Variants in GMEB2 observed in about 807,000 individuals in gnomAD.
The protein encoded by GMEB2 is glucocorticoid modulatory element-binding protein 2.
Under a neutral mutation model 45.7 loss-of-function variants are expected in GMEB2, and 7 were observed. That is an observed-to-expected ratio of 0.15 (90% CI 0.09 to 0.29). The LOEUF (loss-of-function observed/expected upper bound fraction) is 0.29, where lower values mean the gene tolerates loss of function less well. GMEB2 is among the 10% of genes least tolerant of loss of function. The probability of loss-of-function intolerance (pLI) is 1.00; values close to 1 mark genes in which losing one functional copy is unlikely to be tolerated. For synonymous variants in GMEB2, 322 were observed against 323.6 expected, an observed-to-expected ratio of 1.00 and a Z score of 0.05; for missense variants, 582 against 739.2, an observed-to-expected ratio of 0.79 and a Z score of 2.47.
At chr20:63,601,968 TGCCTGTGGCTTCTGTGGG>T (rs1358311450) in intron 4 of GMEB2, among the ~76,000 whole-genome samples, 3 of 142,130 alleles carry the variant, frequency 2.1e-5, no homozygotes, top group African/African-American at 5.3e-5. Flanking sequence ...GCTTCTGTGC[TGCCTGTGGCTTCTGTGGG>T]GCCTGTGGCT....
chr20:63,623,609 T>C (rs896568671), intron 1 of GMEB2, among the ~76,000 whole-genome samples: 8 of 147,900 alleles, frequency 5.4e-5, no homozygotes, highest in African/African-American at 2.0e-4. Flanking sequence ...ACCAGCCTGA[T>C]CAATACGGTG....
intron 4 of GMEB2, among the ~76,000 whole-genome samples, chr20:63,601,815 C>T (rs1331149262): frequency 6.6e-6 from 1 of 151,736 alleles, no homozygotes; most frequent in Non-Finnish European, 1.5e-5. Flanking sequence ...GGGCCTGTGG[C>T]TTCTGTGCTG....
At chr20:63,615,682 A>G (rs539504628) in intron 2 of GMEB2, among the ~76,000 whole-genome samples, 5 of 152,312 alleles carry the variant, frequency 3.3e-5, no homozygotes, top group East Asian at 3.9e-4. Context: ...AAATTCATCA[A>G]CATGGAAAGA....
At position 63,590,084 on chromosome 20, in the gene GMEB2, G is replaced by T; in HGVS notation, c.*5C>A. On this transcript the variant is annotated 3_prime_UTR_variant, in exon 10 of 10. Transcript: ENST00000370077. ...TCCGTCCCAGGGGCCTCGCCCTCCTGTCGGCTACTTCCGCTCGTGGTCCTC... is the reference window on the plus strand; with the variant it reads ...TCCGTCCCAGGGGCCTCGCCCTCCTTTCGGCTACTTCCGCTCGTGGTCCTC... 1 of 1,502,238 alleles carries T rather than the reference G, an allele frequency of 6.7e-7. No individual in the cohort carries two copies. The allele number at this position is 1,502,238 out of a possible 1,614,324, so 93.1% of individuals were successfully genotyped here.
chr20:63,601,950 G>GGCCTGTGGCTTCTGTGCT (rs1353716149), intron 4 of GMEB2, among the ~76,000 whole-genome samples: 2 of 149,122 alleles, frequency 1.3e-5, no homozygotes, highest in African/African-American at 2.5e-5. Context: ...GCTTCTGTGG[G>GGCCTGTGGCTTCTGTGCT]GCCTGTGGCT....
At chr20:63,590,787 A>G (rs2146041483) in intron 9 of GMEB2, 58 bp from the exon 10 acceptor site, 5 of 1,023,452 alleles carry the variant, frequency 4.9e-6, no homozygotes, top group Non-Finnish European at 4.1e-6. Flanking sequence ...GGCGGCATGC[A>G]GGGGATGGGG....
Position 63,589,624 on chromosome 20 carries a change from G to A in GMEB2, c.*465C>T. The stretch of plus-strand genomic sequence containing the variant: ...TCCAGAGGTTTCACACTTGGGCTTA[G>A]CTCCCAAGTCATGAGTTAGTAACGT... On this transcript the variant is annotated 3_prime_UTR_variant, in exon 10 of 10. Transcript: ENST00000370077. 5.7e-6 allele frequency: 1 copy of A among 174,440 alleles called. No individual in the cohort carries two copies. The highest frequency in any genetic ancestry group is 1.2e-5 in the Non-Finnish European group (1 of 83,500). 10.8% of individuals were successfully genotyped at this position (174,440 alleles called of 1,614,324 possible).
Position 63,591,987 on chromosome 20 carries a change from G to A in GMEB2, c.952+35C>T, listed in dbSNP as rs371829135. On this transcript the variant is annotated intron_variant, in intron 9 of 9. Transcript: ENST00000370077. Reference sequence around the variant, plus strand: ...GTGGGCTCCAGGTCCTCAGCCTACCGCCCAGGGGACGGGACGGGGGTGGTC... The same window carrying A: ...GTGGGCTCCAGGTCCTCAGCCTACCACCCAGGGGACGGGACGGGGGTGGTC... The A allele has an allele frequency of 1.0e-4, 161 of 1,581,474 alleles. 1 individual carries two copies. The highest frequency in any genetic ancestry group is 9.9e-4 in the African/African-American group (74 of 74,464).
At chr20:63,618,964 G>A (rs2089626930) in intron 2 of GMEB2, among the ~76,000 whole-genome samples, 1 of 152,168 alleles carries the variant, frequency 6.6e-6, no homozygotes, top group Non-Finnish European at 1.5e-5. Flanking sequence ...TTTATGAAAG[G>A]CCAGCTCTCT....
chr20:63,626,444 G>A (rs1238237494), intron 1 of GMEB2, among the ~76,000 whole-genome samples: 2 of 139,220 alleles, frequency 1.4e-5, no homozygotes, highest in African/African-American at 2.6e-5. Flanking sequence ...GGCCCCTGGG[G>A]ATCGCGTCCC....
In GMEB2 at chr20:63,592,750, C is replaced by T. The variant is rs2083159834; in HGVS notation, c.692-80G>A. ...GCCACCACAGCCACAAGGACATCAC[C>T]ATAGCCACGAGGACACCATGCCAGA... On this transcript the variant is annotated intron_variant, in intron 7 of 9. Coordinates refer to ENST00000370077, the MANE Select transcript of GMEB2 (RefSeq NM_012384.5). The surrounding 1 kb of genome is among the most constrained non-coding windows in gnomAD (Gnocchi z 8.2). 1 of 1,177,448 alleles carries T rather than the reference C, an allele frequency of 8.5e-7. No homozygotes were observed. The allele number at this position is 1,177,448 out of a possible 1,614,324, so 72.9% of individuals were successfully genotyped here.
At chr20:63,626,555 G>A (rs2089674837) in intron 1 of GMEB2, among the ~76,000 whole-genome samples, 1 of 129,794 alleles carries the variant, frequency 7.7e-6, no homozygotes, top group African/African-American at 2.9e-5. Flanking sequence ...GGGTCGCGTG[G>A]TGGCCCCTGC....
chr20:63,599,891 C>T (rs2083229256), intron 4 of GMEB2, among the ~76,000 whole-genome samples: 1 of 152,168 alleles, frequency 6.6e-6, no homozygotes, highest in South Asian at 2.1e-4. Context: ...CCCCTGGGCC[C>T]TCAACACTTG....
At position 63,609,385 on chromosome 20, in the gene GMEB2, ACCT is replaced by A. The variant is rs2089550071; in HGVS notation, c.132-4548_132-4546del. Among the ~76,000 whole-genome samples the A allele has an allele frequency of 3.3e-5, 4 of 120,616 alleles. No individual in the cohort carries two copies. The South Asian group carries it at 1.2e-3, about 37-fold the overall frequency. The allele number at this position is 120,616 out of a possible 152,430, so 79.1% of individuals were successfully genotyped here. On this transcript the variant is annotated intron_variant, in intron 2 of 9. Coordinates refer to ENST00000370077, the MANE Select transcript of GMEB2 (RefSeq NM_012384.5). ...TCTAGAAACATGCCCCTCTGACCTC[ACCT>A]CCATTTCTAGAAACATGCCCCTCTG...
At chr20:63,591,287 AAC>A (rs1033577374) in intron 9 of GMEB2, among the ~76,000 whole-genome samples, 5 of 152,098 alleles carry the variant, frequency 3.3e-5, no homozygotes, top group Non-Finnish European at 7.4e-5. Context: ...GAACACAGTG[AAC>A]ACACACACTG....
Position 63,595,651 on chromosome 20 carries a change from G to T in GMEB2, c.578C>A (p.Thr193Lys), listed in dbSNP as rs148884295. 2.5e-6 allele frequency: 4 copies of T among 1,613,626 alleles called. No homozygotes were observed. In the East Asian group the frequency reaches 6.7e-5, roughly 27 times the overall value. Residue 193 changes from threonine (T) to lysine (K), a missense_variant, in exon 6 of 10, where the codon ACG becomes AAG. Thr to Lys is a moderately conservative substitution (Grantham distance 78). This residue lies in a region of GMEB2 where 462 missense variants were observed against 586.7 expected (regional missense o/e 0.79). Coordinates refer to ENST00000370077, the MANE Select transcript of GMEB2 (RefSeq NM_012384.5). ...SGARVSLSSP[T>K]SAEYIPLTPA... ...CGTGAGGGGAATGTACTCGGCCGAC[G>T]TGGGGCTGCTCAGGGACACACGGGC... is the stretch of plus-strand genomic sequence containing the variant.
At position 63,604,624 on chromosome 20, in the gene GMEB2, T is replaced by C. The variant is rs1302385683; in HGVS notation, c.229+119A>G. 5.7e-6 allele frequency: 4 copies of C among 700,886 alleles called. No homozygotes were observed. The Admixed American group carries it at 8.1e-5, about 14-fold the overall frequency. 43.4% of individuals were successfully genotyped at this position (700,886 alleles called of 1,614,324 possible). A position where few individuals can be genotyped will look rare whatever the true frequency, so the allele number is the denominator to read the frequency against. Reference sequence around the variant, plus strand: ...CTCTCACTCCTAAGGGCACACAGCTTGGGAATCAGCCCGAACAAAGACCTT... The same window carrying C: ...CTCTCACTCCTAAGGGCACACAGCTCGGGAATCAGCCCGAACAAAGACCTT... On this transcript the variant is annotated intron_variant, in intron 3 of 9. Coordinates refer to ENST00000370077, the MANE Select transcript of GMEB2 (RefSeq NM_012384.5).
intron 2 of GMEB2, among the ~76,000 whole-genome samples, chr20:63,609,942 G>A (rs2089556535): frequency 6.6e-6 from 1 of 150,442 alleles, no homozygotes; most frequent in African/African-American, 2.5e-5. Flanking sequence ...TCCATTTCTA[G>A]AAACATGCCC....
In GMEB2 at chr20:63,590,353, G is replaced by C; in HGVS notation, c.1329C>G (p.Ser443Arg). 1 of 1,609,560 alleles carries C rather than the reference G, an allele frequency of 6.2e-7. No individual in the cohort carries two copies. The highest frequency in any genetic ancestry group is 1.1e-5 in the South Asian group (1 of 90,988). Reference sequence around the variant, plus strand: ...ACGCGTCCGGGTGGATCTCCACTGTGCTGGGGTAGGTGGAGCCGGAAGAGG... The same window carrying C: ...ACGCGTCCGGGTGGATCTCCACTGTCCTGGGGTAGGTGGAGCCGGAAGAGG... The part of the protein sequence containing the change: ...VLASSGSTYP[S>R]TVEIHPDASS... Residue 443 changes from serine (S) to arginine (R), a missense_variant, in exon 10 of 10, where the codon AGC becomes AGG. Ser to Arg is a moderately radical substitution (Grantham distance 110, BLOSUM62 -1). Coordinates refer to ENST00000370077, the MANE Select transcript of GMEB2 (RefSeq NM_012384.5).
Sources: allele counts gnomAD v4.1 joint callset (sites outside exome capture counted in the v4.1 genomes callset), GRCh38; gene constraint gnomAD v4.1.1; regional missense constraint gnomAD v4.1.1; non-coding constraint Gnocchi (gnomAD v3.1); transcripts MANE v1.5; gene names NCBI Gene and HGNC (gene_info 2026-07-23, HGNC 2026-07-21).